Variants in UBE3B observed in about 807,000 individuals in gnomAD.
UBE3B encodes the protein ubiquitin protein ligase E3B, also known as ubiquitin-protein ligase E3B.
UBE3B carries 80 observed loss-of-function variants against 132.3 expected under a neutral mutation model. The ratio of observed to expected loss-of-function variants is 0.60; its 90% CI spans 0.50 to 0.73. UBE3B has a LOEUF of 0.73. Ranked by LOEUF, UBE3B falls within the 30% of genes least tolerant of loss-of-function variation. UBE3B has a pLI of 0.00. For missense variants in UBE3B, 1,196 were observed against 1,362.5 expected, an observed-to-expected ratio of 0.88 and a Z score of 1.92; for synonymous variants, 487 against 520.4, an observed-to-expected ratio of 0.94 and a Z score of 0.87.
intron 19 of UBE3B, 60 bp downstream of exon 19, chr12:109,516,944 C>A: frequency 6.3e-7 from 1 of 1,584,292 alleles, no homozygotes; most frequent in South Asian, 1.1e-5. Flanking sequence ...CATGGAAGCT[C>A]TTTAGTGGAC....
chr12:109,526,248 T>G, intron 23 of UBE3B, 110 bp from the exon 24 acceptor site: 1 of 1,121,974 alleles, frequency 8.9e-7, no homozygotes, highest in Non-Finnish European at 1.3e-6. Flanking sequence ...GCATGTGCCA[T>G]CTTAATTCCA....
At chr12:109,530,236 G>A (rs1238692768) in intron 25 of UBE3B, among the ~76,000 whole-genome samples, 164 bp downstream of exon 25, 1 of 152,182 alleles carries the variant, frequency 6.6e-6, no homozygotes, top group Non-Finnish European at 1.5e-5. Context: ...TTGACCACTT[G>A]TCTGCCTAGA....
chr12:109,547,379 G>A, the UBE3B span, among the ~76,000 whole-genome samples: 1 of 152,248 alleles, frequency 6.6e-6, no homozygotes, highest in Non-Finnish European at 1.5e-5. The surrounding 1 kb of genome is among the most constrained non-coding windows in gnomAD (Gnocchi z 4.1). Flanking sequence ...CATACATGCA[G>A]TGCCGGCCAT....
intron 14 of UBE3B, among the ~76,000 whole-genome samples, chr12:109,505,469 T>A (rs992300220): frequency 2.0e-5 from 3 of 152,254 alleles, no homozygotes; most frequent in Non-Finnish European, 4.4e-5. Context: ...TTTCTTCTTT[T>A]ATCCCATAGG....
intron 6 of UBE3B, among the ~76,000 whole-genome samples, chr12:109,487,985 GTCA>G (rs1566075885): frequency 6.6e-6 from 1 of 152,190 alleles, no homozygotes; most frequent in Non-Finnish European, 1.5e-5. Context: ...ACAATGAACT[GTCA>G]TCAAAATTAG....
rs61760194 is a variant in UBE3B at position 109,510,408 on chromosome 12, C to T, written c.1806C>T (p.Tyr602=). 15,857 of 1,613,158 alleles carry T rather than the reference C, an allele frequency of 9.8e-3. 99 individuals are homozygous for T. Among genetic ancestry groups the T allele is most frequent in the Non-Finnish European group, 0.011 (13,489 of 1,179,650 alleles). Residue 602 remains tyrosine, a synonymous_variant, in exon 17 of 28, where the codon TAC becomes TAT. Transcript: ENST00000342494. ...TCCACGGGTGGCTTATGGTGCTGTA[C>T]GAGCGGGACTGCCGGCGGCGCTTCA... The part of the protein sequence containing the change: ...QSVHGWLMVL[Y]ERDCRRRFTP...
chr12:109,485,522 G>T (rs1482940228), intron 4 of UBE3B, among the ~76,000 whole-genome samples: 1 of 152,204 alleles, frequency 6.6e-6, no homozygotes, highest in Admixed American at 6.5e-5. Context: ...TCCAGGATTG[G>T]TATAGCCAAA....
At chr12:109,538,783 C>T (rs191455725), downstream of UBE3B, among the ~76,000 whole-genome samples, 1 of 152,342 alleles carries the variant, frequency 6.6e-6, no homozygotes, top group East Asian at 1.9e-4. The surrounding 1 kb of genome is among the most constrained non-coding windows in gnomAD (Gnocchi z 4.1). Flanking sequence ...CCCTCATCCA[C>T]ACTGCCGCCT....
intron 18 of UBE3B, among the ~76,000 whole-genome samples, chr12:109,514,901 T>TC (rs1422980135): frequency 2.0e-5 from 3 of 151,102 alleles, no homozygotes; most frequent in Non-Finnish European, 4.4e-5. Context: ...CTCAGTACCA[T>TC]CCCCTTTCTT....
rs562119269 is a variant in UBE3B at position 109,510,542 on chromosome 12, G to A, written c.1856+84G>A. On this transcript the variant is annotated intron_variant, in intron 17 of 27. Coordinates refer to ENST00000342494, the MANE Select transcript of UBE3B (RefSeq NM_130466.4). Reference sequence around the variant, plus strand: ...GAGCACTCAGCTCTCATGTTCTAGGGCAGAGAGGACTTTTTCCCTCTGCTT... The same window carrying A: ...GAGCACTCAGCTCTCATGTTCTAGGACAGAGAGGACTTTTTCCCTCTGCTT... 294 of 1,124,028 alleles carry A rather than the reference G, an allele frequency of 2.6e-4. No homozygotes were observed. In the African/African-American group the frequency reaches 3.2e-3, roughly 12 times the overall value. 69.6% of individuals were successfully genotyped at this position (1,124,028 alleles called of 1,614,324 possible). A position where few individuals can be genotyped will look rare whatever the true frequency, so the allele number is the denominator to read the frequency against.
At chr12:109,528,136 G>T (rs1882557680) in intron 24 of UBE3B, among the ~76,000 whole-genome samples, 1 of 152,198 alleles carries the variant, frequency 6.6e-6, no homozygotes, top group Admixed American at 6.5e-5. Flanking sequence ...AAAGCCTCAG[G>T]TCAGGGTAAG....
intron 8 of UBE3B, 61 bp from the exon 9 acceptor site, chr12:109,490,981 CTTT>C: frequency 6.5e-7 from 1 of 1,547,496 alleles, no homozygotes; most frequent in Non-Finnish European, 8.8e-7. Context: ...CTTTTTTGCT[CTTT>C]TATGTACAAA....
At position 109,478,040 on chromosome 12, in the gene UBE3B, G is replaced by C. The variant is rs1874611029; in HGVS notation, c.-197G>C. 1 of 152,522 alleles carries C rather than the reference G, an allele frequency of 6.6e-6. No individual in the cohort carries two copies. Among genetic ancestry groups the C allele is most frequent in the South Asian group, 2.0e-4 (1 of 4,920 alleles). The allele number at this position is 152,522 out of a possible 1,614,324, so 9.4% of individuals were successfully genotyped here. On this transcript the variant is annotated 5_prime_UTR_variant, in exon 1 of 28. Coordinates refer to ENST00000342494, the MANE Select transcript of UBE3B (RefSeq NM_130466.4). ...TGTTCCTGTGGTTGTTGATGCCGAG[G>C]AAAGACTCTGGGCCCCAGGACTCAC... is the stretch of plus-strand genomic sequence containing the variant.
chr12:109,527,744 G>A (rs559392312), intron 24 of UBE3B, among the ~76,000 whole-genome samples: 3 of 151,760 alleles, frequency 2.0e-5, no homozygotes, highest in South Asian at 2.1e-4. Flanking sequence ...CAGAGAGAGA[G>A]CATGGTGAGT....
chr12:109,499,622 T>C lies in UBE3B; in HGVS notation c.941-11T>C. 6.3e-7 allele frequency: 1 copy of C among 1,577,494 alleles called. No homozygotes were observed. The highest frequency in any genetic ancestry group is 8.6e-7 in the Non-Finnish European group (1 of 1,160,168). The stretch of plus-strand genomic sequence containing the variant: ...TCTGGGCCCATCACACTCAGCCTTC[T>C]CTCTCTGTAGGCAACCTCCTACACT... On this transcript the variant is annotated splice_polypyrimidine_tract_variant and intron_variant, in intron 11 of 27. Transcript: ENST00000342494.
At chr12:109,508,640 A>G in intron 15 of UBE3B, 1 of 985,598 alleles carries the variant, frequency 1.0e-6, no homozygotes, top group Non-Finnish European at 1.2e-6. Flanking sequence ...GGTGAGGATC[A>G]TGGAAGAACT....
In UBE3B at chr12:109,511,257, C is replaced by T. The variant is rs1207241203; in HGVS notation, c.1910C>T (p.Ala637Val). 1.9e-6 allele frequency: 3 copies of T among 1,614,198 alleles called. No individual in the cohort carries two copies. In the Admixed American group the frequency reaches 5.0e-5, roughly 27 times the overall value. ...GAACTCGACAGGGACAGAAAACGGG[C>T]ACAGTTGATCCTGCAGTACATCCCA... is the stretch of plus-strand genomic sequence containing the variant. Reference protein sequence around the residue: ...FQELDRDRKRAQLILQYIPHV... With the variant: ...FQELDRDRKRVQLILQYIPHV... Residue 637 changes from alanine to valine, a missense_variant, in exon 18 of 28, where the codon GCA (alanine) becomes GTA (valine). Coordinates refer to ENST00000342494, the MANE Select transcript of UBE3B (RefSeq NM_130466.4).
At chr12:109,517,605 G>A (rs1881221487) in intron 19 of UBE3B, among the ~76,000 whole-genome samples, 1 of 152,210 alleles carries the variant, frequency 6.6e-6, no homozygotes, top group Admixed American at 6.5e-5. Flanking sequence ...GGCTTGTATA[G>A]TGCACAGCCT....
intron 23 of UBE3B, among the ~76,000 whole-genome samples, 158 bp downstream of exon 23, chr12:109,524,661 G>A (rs1183920029): frequency 6.6e-6 from 1 of 152,092 alleles, no homozygotes; most frequent in Non-Finnish European, 1.5e-5. Flanking sequence ...CTCTTGCCAG[G>A]AGGGAGGGCC....
Sources: gnomAD v4.1 joint callset for allele counts (sites outside exome capture counted in the v4.1 genomes callset) on GRCh38, gnomAD v4.1.1 for gene constraint, Gnocchi (gnomAD v3.1) non-coding constraint, MANE v1.5 for transcripts, NCBI Gene and HGNC (gene_info 2026-07-23, HGNC 2026-07-21) for gene names.